LRBA: variants seen among roughly 807,000 people sequenced by gnomAD.
LRBA encodes lipopolysaccharide-responsive and beige-like anchor protein.
Under a neutral mutation model 330.0 loss-of-function variants are expected in LRBA, and 176 were observed. The ratio of observed to expected loss-of-function variants is 0.53; its 90% CI spans 0.47 to 0.60. LRBA has a LOEUF of 0.60. Ranked by LOEUF, LRBA falls within the 20% of genes least tolerant of loss-of-function variation. The pLI, the probability that LRBA is intolerant of heterozygous loss-of-function variation, is 0.00. For synonymous variants in LRBA, 1,230 were observed against 1,193.0 expected (o/e 1.03, Z -0.64); for missense variants, 3,259 against 3,444.8 (o/e 0.95, Z 1.35).
chr4:150,517,432 G>A (rs1762468788), intron 40 of LRBA, among the ~76,000 whole-genome samples: 1 of 151,994 alleles, frequency 6.6e-6, no homozygotes, highest in Admixed American at 6.6e-5. Context: ...AAGGCAGGAG[G>A]ATCAACTGAG....
At chr4:150,436,607 T>A in intron 45 of LRBA, 117 bp downstream of exon 45, 1 of 743,592 alleles carries the variant, frequency 1.3e-6, no homozygotes, top group Middle Eastern at 3.9e-4. Context: ...AGAACTTCAA[T>A]AATTTAAACT....
At position 150,400,656 on chromosome 4, in the gene LRBA, C is replaced by G. The variant is rs565138638; in HGVS notation, c.7194+14782G>C. Among the ~76,000 whole-genome samples the G allele has an allele frequency of 1.4e-4, 21 of 152,096 alleles. No homozygotes were observed. The South Asian group carries it at 4.2e-3, about 30-fold the overall frequency. ...ATGGCTTGAAGCCAGGAGTTTGAGACCAGCCTGAGCAAACATTAGGAGACC... is the reference window on the plus strand; with the variant it reads ...ATGGCTTGAAGCCAGGAGTTTGAGAGCAGCCTGAGCAAACATTAGGAGACC... On this transcript the variant is annotated intron_variant, in intron 47 of 56. Coordinates refer to ENST00000651943, the MANE Select transcript of LRBA (RefSeq NM_001364905.1).
At chr4:150,427,633 G>A (rs976570777) in intron 46 of LRBA, among the ~76,000 whole-genome samples, 13 of 151,978 alleles carry the variant, frequency 8.6e-5, no homozygotes, top group African/African-American at 3.1e-4. Flanking sequence ...AGTTGAAAAT[G>A]TGCAAATGCA....
At chr4:150,475,636 C>T (rs775743870) in intron 42 of LRBA, among the ~76,000 whole-genome samples, 23 of 151,936 alleles carry the variant, frequency 1.5e-4, no homozygotes, top group Non-Finnish European at 2.9e-4. Flanking sequence ...GTGGTTCACA[C>T]CTGTAATCCC....
chr4:150,385,108 A>C (rs1742868601), intron 47 of LRBA, among the ~76,000 whole-genome samples: 1 of 152,168 alleles, frequency 6.6e-6, no homozygotes, highest in Admixed American at 6.5e-5. Flanking sequence ...AATAACTCAA[A>C]CTGTGTATTC....
At chr4:150,850,281 A>G (rs1337221874) in intron 24 of LRBA, among the ~76,000 whole-genome samples, 1 of 151,982 alleles carries the variant, frequency 6.6e-6, no homozygotes, top group Non-Finnish European at 1.5e-5. Context: ...TTTTTAGTAG[A>G]GACAGGGTTT....
chr4:150,480,458 A>T (rs1757174812), intron 42 of LRBA, among the ~76,000 whole-genome samples: 1 of 152,000 alleles, frequency 6.6e-6, no homozygotes, highest in Non-Finnish European at 1.5e-5. Flanking sequence ...TAAATAAAAA[A>T]TTGTATGATG....
At chr4:150,285,616 A>T (rs1044328502) in intron 54 of LRBA, among the ~76,000 whole-genome samples, 11 of 152,220 alleles carry the variant, frequency 7.2e-5, no homozygotes, top group African/African-American at 2.7e-4. Flanking sequence ...TATGTTTGTA[A>T]AAACATCTTA....
In LRBA at chr4:150,900,067, T is replaced by C. The variant is rs371719942; in HGVS notation, c.1906A>G (p.Ile636Val). The C allele has an allele frequency of 1.2e-6, 2 of 1,612,654 alleles. No homozygotes were observed. Among genetic ancestry groups the C allele is most frequent in the South Asian group, 1.1e-5 (1 of 90,940 alleles). ...TATATACCTAATCCTTTTGGGGTGA[T>C]ACCACTTCGATCCTGAGGATTCACT... is the stretch of plus-strand genomic sequence containing the variant. ...WAVNPQDRSGITPKGLDGPRP... is the reference protein window; with the variant it reads ...WAVNPQDRSGVTPKGLDGPRP... Residue 636 changes from isoleucine to valine, a missense_variant, in exon 14 of 57, where the codon ATC becomes GTC. By Grantham distance (29) the Ile-to-Val change is conservative. Transcript: ENST00000651943.
intron 42 of LRBA, among the ~76,000 whole-genome samples, chr4:150,479,886 A>G (rs1401767731): frequency 6.6e-6 from 1 of 152,182 alleles, no homozygotes; most frequent in Non-Finnish European, 1.5e-5. Context: ...TTTGACAGCC[A>G]TCCAGCCACA....
chr4:150,500,346 G>A (rs543184550), intron 40 of LRBA, among the ~76,000 whole-genome samples: 11 of 151,922 alleles, frequency 7.2e-5, no homozygotes, highest in East Asian at 1.9e-4. Context: ...AGGCTGAGGC[G>A]GGCAAATATT....
At chr4:150,322,026 A>T (rs1162765425) in intron 49 of LRBA, among the ~76,000 whole-genome samples, 6 of 152,348 alleles carry the variant, frequency 3.9e-5, no homozygotes, top group African/African-American at 1.2e-4. Flanking sequence ...CAATATATTT[A>T]TATAGTGTAC....
intron 9 of LRBA, among the ~76,000 whole-genome samples, chr4:150,909,955 C>T (rs1032284093): frequency 3.3e-5 from 5 of 152,108 alleles, no homozygotes; most frequent in African/African-American, 1.2e-4. Flanking sequence ...ATTTTTATAT[C>T]TTCTTTAAAG....
At chr4:150,837,946 T>C (rs1748414573) in intron 28 of LRBA, among the ~76,000 whole-genome samples, 1 of 152,224 alleles carries the variant, frequency 6.6e-6, no homozygotes, top group Non-Finnish European at 1.5e-5. Flanking sequence ...TTCCTTTCCA[T>C]GTTTAGTGCT....
rs532377513 is a variant in LRBA, at chr4:150,798,282, C to A, written c.5519-140G>T. 8 of 566,442 alleles carry A rather than the reference C, an allele frequency of 1.4e-5. No individual in the cohort carries two copies. In the East Asian group the frequency reaches 1.7e-4, roughly 12 times the overall value. The allele number at this position is 566,442 out of a possible 1,614,324, so 35.1% of individuals were successfully genotyped here. On this transcript the variant is annotated intron_variant, in intron 33 of 56. Coordinates refer to ENST00000651943, the MANE Select transcript of LRBA (RefSeq NM_001364905.1). ...TTTAATCACATGATCAAATAAGGTA[C>A]ACTATAGTTAGTTCAAAGCTGGCTT... is the stretch of plus-strand genomic sequence containing the variant.
chr4:150,956,240 C>A (rs958460596), intron 2 of LRBA, among the ~76,000 whole-genome samples: 5 of 148,738 alleles, frequency 3.4e-5, no homozygotes, highest in African/African-American at 1.3e-4. Flanking sequence ...ACACTATGAA[C>A]AATTGTATGC....
intron 6 of LRBA, 21 bp downstream of exon 6, chr4:150,916,596 A>G (rs774870427): frequency 6.2e-7 from 1 of 1,601,356 alleles, no homozygotes; most frequent in Non-Finnish European, 8.5e-7. Context: ...TTTAACACTA[A>G]TCAGTTACAG....
At chr4:150,294,467 G>A (rs1464961721) in intron 53 of LRBA, among the ~76,000 whole-genome samples, 1 of 152,146 alleles carries the variant, frequency 6.6e-6, no homozygotes, top group Non-Finnish European at 1.5e-5. Flanking sequence ...CTAGTAAGGA[G>A]ATCCTAAAAG....
chr4:150,921,672 A>G (rs1234681554), intron 4 of LRBA, among the ~76,000 whole-genome samples: 1 of 152,038 alleles, frequency 6.6e-6, no homozygotes, highest in Admixed American at 6.5e-5. Context: ...TCCCAGATTC[A>G]AGTGATTCAC....
Sources: allele counts gnomAD v4.1 joint callset (sites outside exome capture counted in the v4.1 genomes callset), GRCh38; gene constraint gnomAD v4.1.1; transcripts MANE v1.5; gene names NCBI Gene and HGNC (gene_info 2026-07-23, HGNC 2026-07-21).